The following UBE3C variants were observed in gnomAD, a reference collection of about 807,000 sequenced individuals.
UBE3C encodes ubiquitin protein ligase E3C, also known as ubiquitin-protein ligase E3C.
UBE3C carries 42 observed loss-of-function variants against 129.4 expected under a neutral mutation model. The ratio of observed to expected loss-of-function variants is 0.32; its 90% CI spans 0.25 to 0.42. UBE3C has a LOEUF of 0.42. Among genes scored for constraint, UBE3C ranks in the 10% least tolerant of loss-of-function variants. The pLI is 1.00. For synonymous variants in UBE3C, 510 were observed against 492.4 expected (o/e 1.04, Z -0.47); for missense variants, 1,049 against 1,319.1 (o/e 0.80, Z 3.17).
intron 4 of UBE3C, among the ~76,000 whole-genome samples, chr7:157,174,306 C>A (rs559921416): frequency 5.3e-5 from 8 of 152,196 alleles, no homozygotes; most frequent in Admixed American, 3.9e-4. Flanking sequence ...TACCGTATTT[C>A]TCATATATTT....
intron 13 of UBE3C, among the ~76,000 whole-genome samples, chr7:157,211,494 A>T (rs1343979965): frequency 1.3e-5 from 2 of 152,138 alleles, no homozygotes; most frequent in Admixed American, 1.3e-4. Context: ...GTTTTTCAAA[A>T]TACTCCAGTT....
intron 18 of UBE3C, among the ~76,000 whole-genome samples, chr7:157,247,818 G>C (rs1451301945): frequency 1.3e-5 from 2 of 152,228 alleles, no homozygotes; most frequent in Non-Finnish European, 1.5e-5. Flanking sequence ...GCAGGGCAGA[G>C]TGGCATATGC....
At chr7:157,221,782 C>A (rs1175464405) in intron 15 of UBE3C, 1 of 151,974 alleles carries the variant, frequency 6.6e-6, no homozygotes, top group African/African-American at 2.4e-5. Flanking sequence ...GAAATGGTAT[C>A]TTCTTGTGGT....
intron 18 of UBE3C, among the ~76,000 whole-genome samples, chr7:157,246,698 C>G (rs896478066): frequency 3.3e-5 from 5 of 152,152 alleles, no homozygotes; most frequent in Admixed American, 3.3e-4. Context: ...CCTGCCGTCC[C>G]TCATTCTCGG....
chr7:157,142,854 ATTT>A (rs10714296), intron 1 of UBE3C, among the ~76,000 whole-genome samples: 2 of 142,098 alleles, frequency 1.4e-5, no homozygotes, highest in East Asian at 2.0e-4. Context: ...TAAAAGTTGA[ATTT>A]TTTTTTTTTT....
chr7:157,205,519 C>T (rs1269951733), intron 11 of UBE3C, among the ~76,000 whole-genome samples: 1 of 152,100 alleles, frequency 6.6e-6, no homozygotes, highest in African/African-American at 2.4e-5. Flanking sequence ...CTGTCATAGG[C>T]AGGGCTGTTG....
intron 18 of UBE3C, among the ~76,000 whole-genome samples, chr7:157,248,090 G>A (rs1245714038): frequency 6.6e-6 from 1 of 152,174 alleles, no homozygotes; most frequent in African/African-American, 2.4e-5. Context: ...GTTGGCTTCT[G>A]TCTCACAAGA....
rs560795522 is a variant in UBE3C, at chr7:157,263,721, T to C, written c.3082-3864T>C. 2.7e-5 allele frequency among the ~76,000 whole-genome samples: 4 copies of C among 150,760 alleles called. No individual in the cohort carries two copies. In the South Asian group the frequency reaches 8.4e-4, roughly 32 times the overall value. Reference sequence around the variant, plus strand: ...GAACATTCACTTTGTGGGAGCGCTGTTGGCACCGAAAGCACTTTTTTTATA... The same window carrying C: ...GAACATTCACTTTGTGGGAGCGCTGCTGGCACCGAAAGCACTTTTTTTATA... On this transcript the variant is annotated intron_variant, in intron 22 of 22. Coordinates refer to ENST00000348165, the MANE Select transcript of UBE3C (RefSeq NM_014671.3).
chr7:157,139,393 C>T (rs1214308962), intron 1 of UBE3C, 55 bp downstream of exon 1: 38 of 1,029,356 alleles, frequency 3.7e-5, no homozygotes, highest in Non-Finnish European at 4.6e-5. Flanking sequence ...GGCCGGGGCT[C>T]GGGGCTGGGA....
chr7:157,242,330 A>G (rs1435781807), intron 18 of UBE3C, among the ~76,000 whole-genome samples: 1 of 152,162 alleles, frequency 6.6e-6, no homozygotes, highest in African/African-American at 2.4e-5. Flanking sequence ...TGGTAACGAA[A>G]TCTGTTATCA....
At chr7:157,158,404 A>G (rs1807975866) in intron 1 of UBE3C, among the ~76,000 whole-genome samples, 1 of 152,192 alleles carries the variant, frequency 6.6e-6, no homozygotes, top group African/African-American at 2.4e-5. Context: ...GGGAACAAAC[A>G]GGTTGAAAGT....
intron 4 of UBE3C, among the ~76,000 whole-genome samples, chr7:157,174,422 T>A (rs560971315): frequency 1.3e-5 from 2 of 152,312 alleles, no homozygotes; most frequent in African/African-American, 4.8e-5. Flanking sequence ...TTAATACTGA[T>A]GTGTTATTTT....
intron 13 of UBE3C, among the ~76,000 whole-genome samples, chr7:157,211,664 A>C (rs1809599932): frequency 6.6e-6 from 1 of 151,982 alleles, no homozygotes; most frequent in Non-Finnish European, 1.5e-5. Context: ...GGCTATATAA[A>C]ATTTGGTTAA....
intron 1 of UBE3C, among the ~76,000 whole-genome samples, chr7:157,161,259 A>G (rs1406252548): frequency 6.6e-6 from 1 of 152,202 alleles, no homozygotes; most frequent in Non-Finnish European, 1.5e-5. Context: ...AAATTGTACC[A>G]TTTTTGTAGC....
At position 157,254,048 on chromosome 7, in the gene UBE3C, GGCAGATCC is replaced by G. The variant is rs752461627; in HGVS notation, c.2792_2799del (p.Gln931ProfsTer23). 6.2e-7 allele frequency: 1 copy of G among 1,613,702 alleles called. No homozygotes were observed. Among genetic ancestry groups the G allele is most frequent in the African/African-American group, 1.3e-5 (1 of 74,924 alleles). On this transcript the variant is annotated frameshift_variant, in exon 20 of 23. Transcript: ENST00000348165. LOFTEE classifies it high-confidence loss of function. ...TTGGTGGCAGACTACAGGCTGAACA[GGCAGATCC>G]GCCAGCACTGCCTGGCTTTCCGCCA...
intron 13 of UBE3C, among the ~76,000 whole-genome samples, chr7:157,210,100 C>T (rs906554697): frequency 2.0e-5 from 3 of 152,116 alleles, no homozygotes; most frequent in Non-Finnish European, 4.4e-5. Context: ...TTGCTAGAAC[C>T]CGGGAGGCAG....
At chr7:157,197,914 C>G (rs1809167651) in intron 10 of UBE3C, 1 of 1,604,252 alleles carries the variant, frequency 6.2e-7, no homozygotes, top group Non-Finnish European at 8.5e-7. Context: ...CTGACTATTT[C>G]AGGTGTAAGC....
intron 18 of UBE3C, among the ~76,000 whole-genome samples, chr7:157,246,262 G>A (rs889646807): frequency 2.6e-5 from 4 of 152,144 alleles, no homozygotes; most frequent in African/African-American, 7.2e-5. Flanking sequence ...TACTAAATAC[G>A]GTAACTGGTT....
rs1399827022 is a variant in UBE3C at position 157,187,110 on chromosome 7, T to C, written c.1331+89T>C. 1.4e-5 allele frequency: 19 copies of C among 1,385,410 alleles called. No individual in the cohort carries two copies. In the South Asian group the frequency reaches 2.7e-4, roughly 20 times the overall value. The allele number at this position is 1,385,410 out of a possible 1,614,324, so 85.8% of individuals were successfully genotyped here. On this transcript the variant is annotated intron_variant, in intron 10 of 22. Transcript: ENST00000348165. ...AATTGCTCTCCTCTTAAGTTTTGTC[T>C]GCTCTTTTCTGGTAGAGATTGATGT...
Sources: allele counts gnomAD v4.1 joint callset (sites outside exome capture counted in the v4.1 genomes callset), GRCh38; gene constraint gnomAD v4.1.1; transcripts MANE v1.5; gene names NCBI Gene and HGNC (gene_info 2026-07-23, HGNC 2026-07-21).